The following PXDNL variants were observed in gnomAD, a reference collection of about 807,000 sequenced individuals.
PXDNL encodes the protein peroxidasin like, also known as probable oxidoreductase PXDNL.
PXDNL carries 145 observed loss-of-function variants against 150.8 expected under a neutral mutation model. That is an observed-to-expected ratio of 0.96 (90% CI 0.84 to 1.10). The LOEUF is 1.10. Ranked by LOEUF, PXDNL falls within the 50% of genes least tolerant of loss-of-function variation. PXDNL has a pLI of 0.00. For synonymous variants in PXDNL, 757 were observed against 725.7 expected (o/e 1.04, Z -0.69); for missense variants, 2,087 against 1,873.9 (o/e 1.11, Z -2.10).
intron 1 of PXDNL, among the ~76,000 whole-genome samples, chr8:51,799,186 A>G (rs900198045): frequency 2.0e-5 from 3 of 152,272 alleles, no homozygotes; most frequent in Non-Finnish European, 2.9e-5. Flanking sequence ...GAGCTGAACA[A>G]TGAGATCACA....
chr8:51,722,761 C>G (rs1042580320), intron 1 of PXDNL, among the ~76,000 whole-genome samples: 1 of 152,166 alleles, frequency 6.6e-6, no homozygotes. Context: ...TGTTTGTCCC[C>G]TCATGGAGCC....
intron 4 of PXDNL, among the ~76,000 whole-genome samples, chr8:51,525,587 G>A (rs1811754213): frequency 6.6e-6 from 1 of 152,150 alleles, no homozygotes; most frequent in African/African-American, 2.4e-5. Context: ...CATCAGCCTA[G>A]TCCAAAATGC....
At chr8:51,698,255 G>C (rs1253239860) in intron 1 of PXDNL, among the ~76,000 whole-genome samples, 2 of 152,204 alleles carry the variant, frequency 1.3e-5, no homozygotes, top group Non-Finnish European at 2.9e-5. Context: ...ACCTACAGTA[G>C]AACTTCCTTC....
intron 4 of PXDNL, among the ~76,000 whole-genome samples, chr8:51,553,740 TTATATATATATATA>T (rs747698313): frequency 9.7e-5 from 11 of 112,922 alleles, no homozygotes; most frequent in Middle Eastern, 4.5e-3. Flanking sequence ...GTGAGGGATT[TTATATATATATATA>T]TATATATATA....
intron 17 of PXDNL, among the ~76,000 whole-genome samples, chr8:51,402,859 G>A (rs879522357): frequency 1.5e-4 from 22 of 151,682 alleles, no homozygotes; most frequent in Admixed American, 2.6e-4. Flanking sequence ...TCAGGAGATC[G>A]AGACCATCCT....
intron 2 of PXDNL, among the ~76,000 whole-genome samples, chr8:51,640,958 C>A (rs996686823): frequency 6.6e-6 from 1 of 152,034 alleles, no homozygotes; most frequent in Non-Finnish European, 1.5e-5. Context: ...CAAACTATAC[C>A]ACAAGGCTAC....
intron 4 of PXDNL, among the ~76,000 whole-genome samples, chr8:51,553,573 G>T (rs945323746): frequency 6.6e-6 from 1 of 151,908 alleles, no homozygotes; most frequent in Admixed American, 6.6e-5. Flanking sequence ...TTATATATGC[G>T]CATTGAAAAC....
chr8:51,699,622 C>A (rs914844164), intron 1 of PXDNL, among the ~76,000 whole-genome samples: 1 of 152,208 alleles, frequency 6.6e-6, no homozygotes, highest in Admixed American at 6.5e-5. Flanking sequence ...GCACAAGAGG[C>A]CTAGCTTTCA....
intron 12 of PXDNL, among the ~76,000 whole-genome samples, chr8:51,444,055 T>C (rs1809615590): frequency 6.6e-6 from 1 of 152,222 alleles, no homozygotes; most frequent in South Asian, 2.1e-4. Flanking sequence ...TCACACAAAC[T>C]ACTGAAAGTA....
At chr8:51,603,339 T>A (rs1813767901) in intron 2 of PXDNL, among the ~76,000 whole-genome samples, 1 of 152,010 alleles carries the variant, frequency 6.6e-6, no homozygotes, top group African/African-American at 2.4e-5. Context: ...CCATATCGAC[T>A]TTACCTATCT....
intron 1 of PXDNL, among the ~76,000 whole-genome samples, chr8:51,684,032 T>C (rs1021773949): frequency 6.6e-6 from 1 of 152,244 alleles, no homozygotes; most frequent in African/African-American, 2.4e-5. Flanking sequence ...CAGTTTAAAT[T>C]AGCAGTTCAG....
At chr8:51,443,126 A>T (rs1314383407) in intron 12 of PXDNL, among the ~76,000 whole-genome samples, 2 of 152,086 alleles carry the variant, frequency 1.3e-5, no homozygotes, top group African/African-American at 4.8e-5. Flanking sequence ...CATTCTGTTT[A>T]GATTTCTCTC....
chr8:51,396,260 A>T (rs916154229), intron 17 of PXDNL, among the ~76,000 whole-genome samples: 1 of 152,222 alleles, frequency 6.6e-6, no homozygotes, highest in Non-Finnish European at 1.5e-5. Context: ...TCCACACGCC[A>T]ACGCCAGATA....
intron 1 of PXDNL, among the ~76,000 whole-genome samples, chr8:51,744,955 A>G (rs1346674244): frequency 0.069 from 418 of 6,056 alleles, 22 homozygotes; most frequent in Middle Eastern, 0.25. Context: ...AAAGAAAGAA[A>G]GAAAGAAAGA....
intron 4 of PXDNL, among the ~76,000 whole-genome samples, chr8:51,518,621 G>A (rs944914543): frequency 2.0e-5 from 3 of 152,110 alleles, no homozygotes; most frequent in Non-Finnish European, 4.4e-5. Context: ...ATAAATCATA[G>A]CAGAAAATAA....
chr8:51,636,813 T>G (rs1356769861), intron 2 of PXDNL, among the ~76,000 whole-genome samples: 1 of 152,100 alleles, frequency 6.6e-6, no homozygotes, highest in Admixed American at 6.6e-5. Context: ...TTTTTTTTTT[T>G]TCTGCAGAAG....
chr8:51,589,949 G>T (rs1813407230), intron 3 of PXDNL, among the ~76,000 whole-genome samples: 1 of 152,084 alleles, frequency 6.6e-6, no homozygotes, highest in Non-Finnish European at 1.5e-5. Flanking sequence ...AAGTGAACAG[G>T]AGAAAGACTT....
chr8:51,728,781 C>T (rs1296339148), intron 1 of PXDNL, among the ~76,000 whole-genome samples: 1 of 151,970 alleles, frequency 6.6e-6, no homozygotes, highest in East Asian at 1.9e-4. Flanking sequence ...TTATTGAAGA[C>T]AGAAAAATGT....
In PXDNL at chr8:51,590,538, T is replaced by A. The variant is rs76439563; in HGVS notation, c.308+2089A>T. On this transcript the variant is annotated intron_variant, in intron 3 of 22. Coordinates refer to ENST00000356297, the MANE Select transcript of PXDNL (RefSeq NM_144651.5). ...AGGCTTTGGAGACCCAAATTCCCCA[T>A]GTCCAGAAGGTGGCAAATGGAGTAA... 3.3e-5 allele frequency among the ~76,000 whole-genome samples: 5 copies of A among 152,316 alleles called. No homozygotes were observed. The East Asian group carries it at 9.7e-4, about 29-fold the overall frequency.
Sources: gnomAD v4.1 joint callset for allele counts (sites outside exome capture counted in the v4.1 genomes callset) on GRCh38, gnomAD v4.1.1 for gene constraint, MANE v1.5 for transcripts, NCBI Gene and HGNC (gene_info 2026-07-23, HGNC 2026-07-21) for gene names.